Variants in LRRIQ1 observed in about 807,000 individuals in gnomAD.
The protein encoded by LRRIQ1 is leucine rich repeats and IQ motif containing 1.
Under a neutral mutation model 211.9 loss-of-function variants are expected in LRRIQ1, and 210 were observed. That is an observed-to-expected ratio of 0.99 (90% CI 0.89 to 1.11). The LOEUF (loss-of-function observed/expected upper bound fraction) is 1.11. Among genes scored for constraint, LRRIQ1 ranks in the 50% most tolerant of loss-of-function variants. The probability of loss-of-function intolerance (pLI) is 0.00; values close to 1 mark genes in which losing one functional copy is unlikely to be tolerated. For synonymous variants in LRRIQ1, 699 were observed against 650.1 expected, an observed-to-expected ratio of 1.08 and a Z score of -1.14; for missense variants, 2,136 against 1,939.5, an observed-to-expected ratio of 1.10 and a Z score of -1.90.
At chr12:85,173,961 G>A (rs1445457731) in intron 24 of LRRIQ1, among the ~76,000 whole-genome samples, 4 of 152,004 alleles carry the variant, frequency 2.6e-5, no homozygotes, top group Middle Eastern at 3.2e-3. Context: ...TACAATATAG[G>A]ACTCATGTAA....
rs77758688 is a variant in LRRIQ1 at position 85,210,937 on chromosome 12, A to G, written c.4823-18580A>G. ...AATTATAAAATATTTGAACTCCCTA[A>G]GGTTGGGATTTCTCAGCTATAACAC... On this transcript the variant is annotated intron_variant, in intron 24 of 26. Transcript: ENST00000393217. Among the ~76,000 whole-genome samples, 34 of 152,312 alleles carry G rather than the reference A, an allele frequency of 2.2e-4. No individual in the cohort carries two copies. The East Asian group carries it at 5.6e-3, about 25-fold the overall frequency.
At chr12:85,069,548 G>C (rs1882841837) in intron 10 of LRRIQ1, among the ~76,000 whole-genome samples, 1 of 151,974 alleles carries the variant, frequency 6.6e-6, no homozygotes, top group African/African-American at 2.4e-5. Context: ...CTAGTTTACA[G>C]TCCCACCAAC....
At chr12:85,093,058 T>G (rs1367206188) in intron 11 of LRRIQ1, among the ~76,000 whole-genome samples, 2 of 152,202 alleles carry the variant, frequency 1.3e-5, no homozygotes, top group South Asian at 4.1e-4. Flanking sequence ...GGTTGATGAG[T>G]CTACTAATGT....
At chr12:85,180,928 C>T (rs772429947) in intron 24 of LRRIQ1, among the ~76,000 whole-genome samples, 19 of 151,380 alleles carry the variant, frequency 1.3e-4, no homozygotes, top group Non-Finnish European at 2.2e-4. Context: ...GGAATTTTCT[C>T]GGTAATGGTG....
intron 24 of LRRIQ1, among the ~76,000 whole-genome samples, chr12:85,191,083 A>G (rs1892487799): frequency 6.6e-6 from 1 of 152,036 alleles, no homozygotes; most frequent in Non-Finnish European, 1.5e-5. Context: ...GAAAGTACAG[A>G]TAGTTTTCAT....
chr12:85,133,948 C>T (rs993104466), intron 18 of LRRIQ1, among the ~76,000 whole-genome samples: 1 of 152,128 alleles, frequency 6.6e-6, no homozygotes, highest in African/African-American at 2.4e-5. Flanking sequence ...TAAATTCCAA[C>T]ACAGTAGTAT....
intron 11 of LRRIQ1, among the ~76,000 whole-genome samples, chr12:85,093,483 G>A (rs1046193459): frequency 2.6e-5 from 4 of 152,176 alleles, no homozygotes; most frequent in African/African-American, 9.7e-5. Context: ...TGCAGAGCAT[G>A]CATGTCTTCT....
intron 24 of LRRIQ1, among the ~76,000 whole-genome samples, chr12:85,164,544 G>A (rs1891056792): frequency 6.6e-6 from 1 of 152,136 alleles, no homozygotes; most frequent in African/African-American, 2.4e-5. Context: ...TAAAAGTATG[G>A]CATCCCTTCT....
At chr12:85,059,563 G>A (rs1881536908) in intron 8 of LRRIQ1, among the ~76,000 whole-genome samples, 1 of 151,836 alleles carries the variant, frequency 6.6e-6, no homozygotes, top group South Asian at 2.1e-4. Flanking sequence ...TTGAAGTATG[G>A]TTTCAACTAA....
At chr12:85,082,859 A>C (rs531580144) in intron 11 of LRRIQ1, among the ~76,000 whole-genome samples, 2 of 152,234 alleles carry the variant, frequency 1.3e-5, no homozygotes, top group Admixed American at 1.3e-4. Flanking sequence ...GATTATTCTT[A>C]GATTTGGAAT....
At chr12:85,076,734 A>G (rs559708412) in intron 11 of LRRIQ1, 1 of 170,728 alleles carries the variant, frequency 5.9e-6, no homozygotes, top group African/African-American at 2.4e-5. Context: ...TAAGAACTCT[A>G]GACATTTTGC....
chr12:85,158,988 A>G (rs186624744), intron 23 of LRRIQ1, among the ~76,000 whole-genome samples: 1 of 151,890 alleles, frequency 6.6e-6, no homozygotes, highest in Non-Finnish European at 1.5e-5. Context: ...TCTATCTAAA[A>G]GTACTATGTT....
At chr12:85,086,827 G>A (rs1488706636) in intron 11 of LRRIQ1, among the ~76,000 whole-genome samples, 1 of 151,892 alleles carries the variant, frequency 6.6e-6, no homozygotes, top group African/African-American at 2.4e-5. Flanking sequence ...ACTCAACAAT[G>A]GAAATCTCTC....
intron 11 of LRRIQ1, among the ~76,000 whole-genome samples, chr12:85,077,765 A>G (rs1883819504): frequency 6.6e-6 from 1 of 152,080 alleles, no homozygotes; most frequent in Admixed American, 6.6e-5. Context: ...TGAGCTCACG[A>G]GTTGGAGACC....
rs531994013 is a variant in LRRIQ1 at position 85,049,951 on chromosome 12, T to C, written c.679-2226T>C. Among the ~76,000 whole-genome samples the C allele has an allele frequency of 2.4e-4, 37 of 152,362 alleles. No individual in the cohort carries two copies. In the South Asian group the frequency reaches 7.7e-3, roughly 32 times the overall value. ...CACATCTTTGGCAATTACTCATTGATATCCATTTTAGACTTCATTTTCTCT... is the reference window on the plus strand; with the variant it reads ...CACATCTTTGGCAATTACTCATTGACATCCATTTTAGACTTCATTTTCTCT... On this transcript the variant is annotated intron_variant, in intron 6 of 26. Coordinates refer to ENST00000393217, the MANE Select transcript of LRRIQ1 (RefSeq NM_001079910.2).
chr12:85,159,494 T>C (rs1203291835), intron 23 of LRRIQ1: 1 of 152,040 alleles, frequency 6.6e-6, no homozygotes, highest in Non-Finnish European at 1.5e-5. Context: ...CTACTAGTAC[T>C]TCAAAAACAA....
chr12:85,044,829 C>A lies in LRRIQ1; in HGVS notation c.336+20C>A. 1 of 1,131,700 alleles carries A rather than the reference C, an allele frequency of 8.8e-7. No homozygotes were observed. The allele number at this position is 1,131,700 out of a possible 1,614,324, so 70.1% of individuals were successfully genotyped here. ...ATTAAGGTATATATTCAATATTTGA[C>A]TTAAAATATTCACTATTACAATTAG... is the stretch of plus-strand genomic sequence containing the variant. On this transcript the variant is annotated intron_variant, in intron 4 of 26. Transcript: ENST00000393217.
At chr12:85,175,160 T>C in intron 24 of LRRIQ1, among the ~76,000 whole-genome samples, 1 of 152,150 alleles carries the variant, frequency 6.6e-6, no homozygotes, top group East Asian at 1.9e-4. Flanking sequence ...GCAATCTTGC[T>C]CAGAAAGCTA....
rs1878427545 is a variant in LRRIQ1, at chr12:85,038,252, AAAG to A, written c.81_83del (p.Glu27del). 6.3e-7 allele frequency: 1 copy of A among 1,588,750 alleles called. No homozygotes were observed. Among genetic ancestry groups the A allele is most frequent in the Non-Finnish European group, 8.6e-7 (1 of 1,166,046 alleles). ...TAAACTCAGCATTTCCTCCTTGGAA[AAAG>A]AAGACATTGAGAGTGATGCAAAATC... On this transcript the variant is annotated inframe_deletion, in exon 2 of 27. Transcript: ENST00000393217.
Sources: gnomAD v4.1 joint callset for allele counts (sites outside exome capture counted in the v4.1 genomes callset) on GRCh38, gnomAD v4.1.1 for gene constraint, MANE v1.5 for transcripts, NCBI Gene and HGNC (gene_info 2026-07-23, HGNC 2026-07-21) for gene names.